TTC12: variants seen among roughly 807,000 people sequenced by gnomAD.
The protein encoded by TTC12 is tetratricopeptide repeat protein 12.
In TTC12, 70 loss-of-function variants were observed where a neutral mutation model predicts 90.1. That is an observed-to-expected ratio of 0.78 (90% CI 0.64 to 0.95). The LOEUF is 0.95. Among genes scored for constraint, TTC12 ranks in the 40% least tolerant of loss-of-function variants. The pLI, the probability that TTC12 is intolerant of heterozygous loss-of-function variation, is 0.00. For synonymous variants in TTC12, 296 were observed against 311.5 expected, an observed-to-expected ratio of 0.95 and a Z score of 0.53; for missense variants, 819 against 846.1, an observed-to-expected ratio of 0.97 and a Z score of 0.40.
chr11:113,325,425 G>A, intron 5 of TTC12, 99 bp from the exon 6 acceptor site: 2 of 1,427,912 alleles, frequency 1.4e-6, no homozygotes, highest in Non-Finnish European at 1.9e-6. Context: ...CGATAGAAGT[G>A]AAGACCTTCG....
chr11:113,340,802 C>A, intron 11 of TTC12, 69 bp downstream of exon 11: 1 of 1,303,344 alleles, frequency 7.7e-7, no homozygotes, highest in Non-Finnish European at 1.1e-6. Flanking sequence ...TGAAATCAGA[C>A]ACGAGGCACA....
At chr11:113,334,579 T>C (rs1359506650) in intron 7 of TTC12, among the ~76,000 whole-genome samples, 2 of 151,900 alleles carry the variant, frequency 1.3e-5, no homozygotes, top group Non-Finnish European at 2.9e-5. Flanking sequence ...AAATTATTGA[T>C]GCCTGGGTCT....
chr11:113,324,509 C>A, intron 4 of TTC12, 96 bp from the exon 5 acceptor site: 1 of 915,412 alleles, frequency 1.1e-6, no homozygotes. Flanking sequence ...CATATGCATA[C>A]GTGTGGCTCT....
At chr11:113,370,331 C>A (rs1385858810), downstream of TTC12, among the ~76,000 whole-genome samples, 2 of 152,192 alleles carry the variant, frequency 1.3e-5, no homozygotes, top group African/African-American at 2.4e-5. Flanking sequence ...GTCATTAGTT[C>A]TTTTCTCCTA....
At chr11:113,345,915 TG>T (rs1236835774) in intron 13 of TTC12, among the ~76,000 whole-genome samples, 3 of 149,228 alleles carry the variant, frequency 2.0e-5, no homozygotes, top group Admixed American at 6.6e-5. Context: ...TCACCTCGGG[TG>T]GTCCTGCCTA....
At position 113,341,982 on chromosome 11, in the gene TTC12, C is replaced by T. The variant is rs1555146332; in HGVS notation, c.985+57C>T. The T allele has an allele frequency of 2.1e-6, 3 of 1,459,028 alleles. No homozygotes were observed. In the African/African-American group the frequency reaches 4.2e-5, roughly 20 times the overall value. 90.4% of individuals were successfully genotyped at this position (1,459,028 alleles called of 1,614,324 possible). Reference sequence around the variant, plus strand: ...TAATGCGCTGCGTGCAGGAACTACGCTGTTGGGTGGACTGTCCTCCCCAAA... The same window carrying T: ...TAATGCGCTGCGTGCAGGAACTACGTTGTTGGGTGGACTGTCCTCCCCAAA... On this transcript the variant is annotated intron_variant, in intron 12 of 21. Coordinates refer to ENST00000529221, the MANE Select transcript of TTC12 (RefSeq NM_017868.4).
At chr11:113,345,444 CTG>C (rs59562442) in intron 13 of TTC12, among the ~76,000 whole-genome samples, 31,693 of 152,140 alleles carry the variant, frequency 0.21, 3,834 homozygotes, top group East Asian at 0.48. Context: ...CAGCTCCGCT[CTG>C]TGTTCCCAGT....
At chr11:113,329,668 T>C in intron 6 of TTC12, 1 of 574,922 alleles carries the variant, frequency 1.7e-6, no homozygotes, top group Non-Finnish European at 3.3e-6. Context: ...CCACTGTTGC[T>C]AGCCCTGCGA....
intron 9 of TTC12, 34 bp downstream of exon 9, chr11:113,338,868 A>T: frequency 6.3e-7 from 1 of 1,594,064 alleles, no homozygotes; most frequent in Non-Finnish European, 8.6e-7. Context: ...CTTCATCTGA[A>T]CTCCACCTCC....
chr11:113,368,760 C>T (rs1950296611), downstream of TTC12: 1 of 507,048 alleles, frequency 2.0e-6, no homozygotes, highest in African/African-American at 1.9e-5. Flanking sequence ...CAAATAAGAG[C>T]TTCTTGGCTT....
chr11:113,360,438 A>G (rs1949862186), intron 18 of TTC12, among the ~76,000 whole-genome samples: 1 of 152,094 alleles, frequency 6.6e-6, no homozygotes, highest in Admixed American at 6.5e-5. Flanking sequence ...CCATATTTTA[A>G]GCCAGTGATC....
At chr11:113,363,996 A>G in intron 20 of TTC12, 69 bp downstream of exon 20, 2 of 1,084,598 alleles carry the variant, frequency 1.8e-6, no homozygotes, top group Non-Finnish European at 2.8e-6. Flanking sequence ...TGCAAAGGGA[A>G]CTGTGGTCGA....
intron 2 of TTC12, among the ~76,000 whole-genome samples, chr11:113,318,173 A>G (rs1408477674): frequency 1.3e-5 from 2 of 152,238 alleles, no homozygotes; most frequent in African/African-American, 4.8e-5. Flanking sequence ...TTTTCATGGT[A>G]TTAATAGTCC....
At chr11:113,342,985 GT>G (rs1163419641) in intron 12 of TTC12, among the ~76,000 whole-genome samples, 1 of 152,140 alleles carries the variant, frequency 6.6e-6, no homozygotes, top group Non-Finnish European at 1.5e-5. Flanking sequence ...GAACCTTAAA[GT>G]TACATTTTTT....
Position 113,326,518 on chromosome 11 carries a change from G to A in TTC12, c.444+873G>A, listed in dbSNP as rs956226916. ...TCATCAGCTCTAATTTCCCTAACTC[G>A]AGTTTAAGAATGTCTGGCTCTGGGA... is the stretch of plus-strand genomic sequence containing the variant. On this transcript the variant is annotated intron_variant, in intron 6 of 21. Transcript: ENST00000529221. Among the ~76,000 whole-genome samples the A allele has an allele frequency of 6.6e-5, 10 of 152,226 alleles. No individual in the cohort carries two copies. The South Asian group carries it at 1.2e-3, about 19-fold the overall frequency.
intron 16 of TTC12, among the ~76,000 whole-genome samples, chr11:113,356,441 A>G (rs989154297): frequency 6.6e-6 from 1 of 152,164 alleles, no homozygotes; most frequent in Non-Finnish European, 1.5e-5. Context: ...GCTCATTTAC[A>G]TTCAAGGTTA....
At chr11:113,359,327 A>G (rs1555153726) in intron 16 of TTC12, 36 bp from the exon 17 acceptor site, 1 of 1,453,948 alleles carries the variant, frequency 6.9e-7, no homozygotes, top group Admixed American at 1.7e-5. Flanking sequence ...GCTGTAAGGC[A>G]AAAAGGTCAT....
intron 10 of TTC12, among the ~76,000 whole-genome samples, chr11:113,339,827 TCA>T (rs2137990542): frequency 6.6e-6 from 1 of 151,848 alleles, no homozygotes; most frequent in South Asian, 2.1e-4. Context: ...CACAGCACAC[TCA>T]CACCATAAGT....
chr11:113,359,181 C>T (rs1488048246), intron 16 of TTC12, among the ~76,000 whole-genome samples, 182 bp from the exon 17 acceptor site: 1 of 151,792 alleles, frequency 6.6e-6, no homozygotes, highest in South Asian at 2.1e-4. Context: ...AGACTCCTTC[C>T]AAGTCTCCTG....
Sources: gnomAD v4.1 joint callset for allele counts (sites outside exome capture counted in the v4.1 genomes callset) on GRCh38, gnomAD v4.1.1 for gene constraint, MANE v1.5 for transcripts, NCBI Gene and HGNC (gene_info 2026-07-23, HGNC 2026-07-21) for gene names.